Variants in LPXN observed in about 807,000 individuals in gnomAD.
LPXN encodes leupaxin.
In LPXN, 28 loss-of-function variants were observed where a neutral mutation model predicts 45.6. The ratio of observed to expected loss-of-function variants is 0.61; its 90% CI spans 0.45 to 0.84. The LOEUF is 0.84. LPXN is among the 40% of genes least tolerant of loss of function. The probability of loss-of-function intolerance (pLI) is 0.00; values close to 1 mark genes in which losing one functional copy is unlikely to be tolerated. For synonymous variants in LPXN, 166 were observed against 169.9 expected (o/e 0.98, Z 0.18); for missense variants, 459 against 475.0 (o/e 0.97, Z 0.31).
chr11:58,533,004 G>C (rs1345946204), intron 7 of LPXN, among the ~76,000 whole-genome samples: 1 of 151,844 alleles, frequency 6.6e-6, no homozygotes, highest in Admixed American at 6.6e-5. Context: ...GGAGGAATGA[G>C]CAACTCCAGA....
At chr11:58,575,632 C>T (rs1206488196) in intron 1 of LPXN, 128 bp downstream of exon 1, 1 of 1,081,662 alleles carries the variant, frequency 9.2e-7, no homozygotes, top group Non-Finnish European at 1.4e-6. Flanking sequence ...GGGCTGAGGA[C>T]AGGAAAGAAG....
chr11:58,554,909 G>A lies in LPXN; in HGVS notation c.250C>T (p.Pro84Ser). 5 of 1,614,040 alleles carry A rather than the reference G, an allele frequency of 3.1e-6. No homozygotes were observed. The highest frequency in any genetic ancestry group is 4.2e-6 in the Non-Finnish European group (5 of 1,179,950). The part of the protein sequence containing the change: ...EAQEPKESPP[P>S]SKTSAAAQLD... Reference sequence around the variant, plus strand: ...TGAGCAGCTGCTGACGTTTTAGAAGGTGGTGGTGATTCCTTTGGCTCTTGG... The same window carrying A: ...TGAGCAGCTGCTGACGTTTTAGAAGATGGTGGTGATTCCTTTGGCTCTTGG... Residue 84 changes from proline to serine, a missense_variant, in exon 4 of 9, where the codon CCT (proline) becomes TCT (serine). Coordinates refer to ENST00000395074, the MANE Select transcript of LPXN (RefSeq NM_004811.3).
Position 58,527,637 on chromosome 11 carries a change from TC to T in LPXN, c.977del (p.Gly326GlufsTer34). On this transcript the variant is annotated frameshift_variant, in exon 9 of 9. Transcript: ENST00000395074. LOFTEE classifies it high-confidence loss of function. Reference sequence around the variant, plus strand: ...GCTGCCCACACCCATGGCAGAGCGTTCCCCGGCGGTGATGGTAATGGAGCTC... The same window carrying T: ...GCTGCCCACACCCATGGCAGAGCGTTCCCGGCGGTGATGGTAATGGAGCTC... ...FCELHYHHRR[G>X]TLCHGCGQPI... 6.2e-7 allele frequency: 1 copy of T among 1,614,030 alleles called. No individual in the cohort carries two copies. The highest frequency in any genetic ancestry group is 8.5e-7 in the Non-Finnish European group (1 of 1,179,988).
chr11:58,527,018 G>C lies in LPXN; in HGVS notation c.*436C>G, dbSNP rs1349434193. ...GTATCATGATTCCACAGCAGTGATT[G>C]TAAGACAGTGAGCCACAGGGAAATG... On this transcript the variant is annotated 3_prime_UTR_variant, in exon 9 of 9. Transcript: ENST00000395074. 6.0e-6 allele frequency: 1 copy of C among 167,192 alleles called. No individual in the cohort carries two copies. Among genetic ancestry groups the C allele is most frequent in the East Asian group, 1.6e-4 (1 of 6,406 alleles). The allele number at this position is 167,192 out of a possible 1,614,324, so 10.4% of individuals were successfully genotyped here. A position where few individuals can be genotyped will look rare whatever the true frequency, so the allele number is the denominator to read the frequency against.
chr11:58,564,367 AT>A (rs1295342014), intron 2 of LPXN, among the ~76,000 whole-genome samples, 166 bp from the exon 3 acceptor site: 1 of 152,198 alleles, frequency 6.6e-6, no homozygotes, highest in Admixed American at 6.5e-5. Flanking sequence ...ATTACCAGCC[AT>A]CCCACAAAGA....
chr11:58,536,109 T>C (rs757028318), intron 7 of LPXN, among the ~76,000 whole-genome samples: 1 of 152,164 alleles, frequency 6.6e-6, no homozygotes, highest in Non-Finnish European at 1.5e-5. Context: ...CATTCAATGC[T>C]ATCCCCATCA....
At chr11:58,546,407 CA>C (rs1166315531) in intron 7 of LPXN, among the ~76,000 whole-genome samples, 1 of 152,144 alleles carries the variant, frequency 6.6e-6, no homozygotes, top group Non-Finnish European at 1.5e-5. Flanking sequence ...TCTCAGTGAT[CA>C]GAGATGTTGG....
intron 7 of LPXN, among the ~76,000 whole-genome samples, chr11:58,542,762 T>C (rs1853768417): frequency 6.6e-6 from 1 of 152,102 alleles, no homozygotes; most frequent in Non-Finnish European, 1.5e-5. Context: ...CATGGAGAAA[T>C]GCTTAAGTAT....
chr11:58,560,381 G>A (rs925930504), intron 3 of LPXN, among the ~76,000 whole-genome samples: 1 of 152,128 alleles, frequency 6.6e-6, no homozygotes, highest in Non-Finnish European at 1.5e-5. Context: ...CACATGTTAA[G>A]TGTAGAAAAT....
intron 7 of LPXN, among the ~76,000 whole-genome samples, chr11:58,534,127 T>C (rs1245004236): frequency 6.6e-6 from 1 of 152,018 alleles, no homozygotes; most frequent in Non-Finnish European, 1.5e-5. Context: ...AGACAGAAAA[T>C]TAACAAGGAT....
At chr11:58,572,466 CTT>C (rs1256950659) in intron 1 of LPXN, among the ~76,000 whole-genome samples, 2 of 151,846 alleles carry the variant, frequency 1.3e-5, no homozygotes, top group African/African-American at 2.4e-5. Flanking sequence ...AGTTGAGAGA[CTT>C]ATAATAAATT....
chr11:58,530,825 G>T (rs1326818415), intron 7 of LPXN, among the ~76,000 whole-genome samples: 1 of 152,190 alleles, frequency 6.6e-6, no homozygotes, highest in East Asian at 1.9e-4. Flanking sequence ...TCTGGTGGGT[G>T]CCCTGCTGGG....
rs532116053 is a variant in LPXN at position 58,532,991 on chromosome 11, A to G, written c.743-4800T>C. Among the ~76,000 whole-genome samples the G allele has an allele frequency of 4.0e-5, 6 of 151,870 alleles. No homozygotes were observed. In the South Asian group the frequency reaches 1.3e-3, roughly 32 times the overall value. ...CACCAGGAGGAATGAACAACTCCAG[A>G]TGGGAGGAATGAGCAACTCCAGACG... On this transcript the variant is annotated intron_variant, in intron 7 of 8. Transcript: ENST00000395074.
upstream of LPXN, chr11:58,577,903 G>C: frequency 6.7e-6 from 8 of 1,197,704 alleles, no homozygotes; most frequent in South Asian, 1.5e-5. Flanking sequence ...TCACAGATTT[G>C]ATTAAGAGCC....
At chr11:58,557,230 A>T (rs1173059090) in intron 3 of LPXN, among the ~76,000 whole-genome samples, 2 of 152,208 alleles carry the variant, frequency 1.3e-5, no homozygotes, top group African/African-American at 2.4e-5. Flanking sequence ...CTTCGTAAAG[A>T]TCTCTGCACT....
At chr11:58,564,132 G>T in intron 3 of LPXN, 23 bp downstream of exon 3, 1 of 1,467,262 alleles carries the variant, frequency 6.8e-7, no homozygotes, top group Non-Finnish European at 9.4e-7. Context: ...ATTTTTAAAA[G>T]CATTTAATAG....
intron 7 of LPXN, among the ~76,000 whole-genome samples, chr11:58,540,537 C>G (rs12276093): frequency 6.6e-6 from 1 of 152,116 alleles, no homozygotes; most frequent in Admixed American, 6.6e-5. Context: ...AAACTTGCTT[C>G]TTAATATTCC....
At chr11:58,571,601 C>T (rs1347758313) in intron 1 of LPXN, among the ~76,000 whole-genome samples, 1 of 149,978 alleles carries the variant, frequency 6.7e-6, no homozygotes, top group East Asian at 1.9e-4. Flanking sequence ...TGAGATATTG[C>T]AAAATCAAGT....
intron 1 of LPXN, 50 bp from the exon 2 acceptor site, chr11:58,570,763 A>G (rs1304378682): frequency 7.0e-7 from 1 of 1,431,934 alleles, no homozygotes; most frequent in Non-Finnish European, 9.5e-7. Flanking sequence ...TTAAATCCCT[A>G]CAGTCATTTT....
Sources: allele counts gnomAD v4.1 joint callset (sites outside exome capture counted in the v4.1 genomes callset), GRCh38; gene constraint gnomAD v4.1.1; transcripts MANE v1.5; gene names NCBI Gene and HGNC (gene_info 2026-07-23, HGNC 2026-07-21).